Variants in CTIF observed in about 807,000 individuals in gnomAD.
CTIF encodes the protein cap binding complex dependent translation initiation factor.
CTIF carries 21 observed loss-of-function variants against 66.0 expected under a neutral mutation model. The observed-to-expected ratio is 0.32, with a 90% confidence interval of 0.23 to 0.46. CTIF has a LOEUF of 0.46. CTIF is among the 20% of genes least tolerant of loss of function. The probability of loss-of-function intolerance (pLI) is 1.00; values close to 1 mark genes in which losing one functional copy is unlikely to be tolerated. For synonymous variants in CTIF, 345 were observed against 326.4 expected (o/e 1.06, Z -0.62); for missense variants, 739 against 812.7 (o/e 0.91, Z 1.10).
intron 6 of CTIF, among the ~76,000 whole-genome samples, chr18:48,674,033 A>AGGG (rs954283696): frequency 2.0e-5 from 3 of 152,222 alleles, no homozygotes; most frequent in African/African-American, 7.2e-5. Flanking sequence ...AGCGGGAAGA[A>AGGG]GGGGAGCACA....
intron 7 of CTIF, among the ~76,000 whole-genome samples, chr18:48,747,410 G>GGT (rs1305842287): frequency 6.6e-6 from 1 of 152,206 alleles, no homozygotes; most frequent in East Asian, 1.9e-4. Flanking sequence ...GAAGTAGAGA[G>GGT]GTACGCTGGG....
chr18:48,835,203 G>A (rs1452781218), intron 10 of CTIF, among the ~76,000 whole-genome samples: 2 of 152,296 alleles, frequency 1.3e-5, no homozygotes, highest in African/African-American at 4.8e-5. Flanking sequence ...CCAGTGTCAG[G>A]CACACGGCAG....
chr18:48,675,543 C>T (rs2091614098), intron 6 of CTIF, among the ~76,000 whole-genome samples: 1 of 152,210 alleles, frequency 6.6e-6, no homozygotes, highest in Admixed American at 6.5e-5. Context: ...GCTGCACATG[C>T]ACACTGTCCT....
chr18:48,569,075 C>G (rs1178573674), intron 1 of CTIF, among the ~76,000 whole-genome samples: 3 of 152,174 alleles, frequency 2.0e-5, no homozygotes, highest in African/African-American at 7.2e-5. Context: ...CCAGCCTCCT[C>G]CTCTCATAAG....
chr18:48,692,298 C>CA (rs72042735), intron 6 of CTIF, among the ~76,000 whole-genome samples: 1 of 139,182 alleles, frequency 7.2e-6, no homozygotes, highest in African/African-American at 2.6e-5. Context: ...TCATGGGCCA[C>CA]AAAAAAACAA....
At chr18:48,804,528 C>G (rs1005495698) in intron 9 of CTIF, among the ~76,000 whole-genome samples, 6 of 152,152 alleles carry the variant, frequency 3.9e-5, no homozygotes, top group African/African-American at 1.2e-4. Context: ...TGCCAGGGGT[C>G]GGGGGCGGCC....
At chr18:48,596,580 C>T (rs1599212039) in intron 1 of CTIF, among the ~76,000 whole-genome samples, 1 of 151,684 alleles carries the variant, frequency 6.6e-6, no homozygotes, top group Non-Finnish European at 1.5e-5. Context: ...CGGGTTCAAA[C>T]GATTCTCCTG....
chr18:48,696,529 C>T (rs2092011692), intron 6 of CTIF, among the ~76,000 whole-genome samples: 1 of 152,216 alleles, frequency 6.6e-6, no homozygotes, highest in Non-Finnish European at 1.5e-5. Context: ...CTTAGTCTGT[C>T]TGGCTTGAGC....
chr18:48,590,870 G>T (rs2089872685), intron 1 of CTIF, among the ~76,000 whole-genome samples: 1 of 151,756 alleles, frequency 6.6e-6, no homozygotes, highest in Admixed American at 6.6e-5. Context: ...ACCCCATAGT[G>T]TGAATATCAG....
At chr18:48,716,113 A>C (rs1256405715) in intron 7 of CTIF, among the ~76,000 whole-genome samples, 1 of 144,944 alleles carries the variant, frequency 6.9e-6, no homozygotes, top group African/African-American at 2.4e-5. Context: ...AATGTGTATC[A>C]CAGCAGACAC....
At chr18:48,661,358 G>T (rs1386812861) in intron 3 of CTIF, among the ~76,000 whole-genome samples, 1 of 152,022 alleles carries the variant, frequency 6.6e-6, no homozygotes, top group East Asian at 1.9e-4. Flanking sequence ...GTCTGCAATA[G>T]ATGCTTTGGA....
chr18:48,684,871 A>G lies in CTIF; in HGVS notation c.507+14127A>G, dbSNP rs149432882. Among the ~76,000 whole-genome samples, 593 of 152,386 alleles carry G rather than the reference A, an allele frequency of 3.9e-3. 6 individuals carry two copies. Among genetic ancestry groups the G allele is most frequent in the African/African-American group, 0.013 (534 of 41,598 alleles). On this transcript the variant is annotated intron_variant, in intron 6 of 11. Coordinates refer to ENST00000256413, the MANE Select transcript of CTIF (RefSeq NM_014772.3). ...TACTTCAGCATGTTTTCCTAAAAGC[A>G]TGGACATTCTTTTCCATAAATGCAA...
chr18:48,747,661 C>T (rs1397504458), intron 7 of CTIF, among the ~76,000 whole-genome samples: 1 of 151,790 alleles, frequency 6.6e-6, no homozygotes, highest in Admixed American at 6.6e-5. Context: ...AATCCCAGCG[C>T]TCTGAGAGGC....
At chr18:48,656,246 T>C (rs916366381) in intron 3 of CTIF, among the ~76,000 whole-genome samples, 105 of 152,364 alleles carry the variant, frequency 6.9e-4, no homozygotes, top group African/African-American at 2.4e-3. Context: ...CTTGACTGAA[T>C]AGAATAACTG....
intron 1 of CTIF, among the ~76,000 whole-genome samples, chr18:48,580,693 G>A (rs1227525376): frequency 1.3e-5 from 2 of 152,198 alleles, no homozygotes; most frequent in African/African-American, 2.4e-5. Flanking sequence ...TTACCGGACC[G>A]TCGTCTTTCT....
At chr18:48,730,971 C>T (rs2092452503) in intron 7 of CTIF, among the ~76,000 whole-genome samples, 1 of 152,086 alleles carries the variant, frequency 6.6e-6, no homozygotes, top group South Asian at 2.1e-4. Flanking sequence ...TCTCCCAGCC[C>T]AGAGAGGCAG....
intron 1 of CTIF, among the ~76,000 whole-genome samples, chr18:48,576,937 G>A (rs892688388): frequency 2.6e-5 from 4 of 152,218 alleles, no homozygotes; most frequent in Non-Finnish European, 4.4e-5. Context: ...AGCTGCTTAT[G>A]TGGAATATGT....
At chr18:48,704,098 G>A (rs543615857) in intron 6 of CTIF, among the ~76,000 whole-genome samples, 1 of 152,276 alleles carries the variant, frequency 6.6e-6, no homozygotes. Flanking sequence ...TGGGGAGCAT[G>A]GCGGAGCACC....
Position 48,698,349 on chromosome 18 carries a change from G to A in CTIF, c.508-13270G>A, listed in dbSNP as rs568198736. 2.0e-5 allele frequency among the ~76,000 whole-genome samples: 3 copies of A among 152,068 alleles called. No homozygotes were observed. The South Asian group carries it at 6.2e-4, about 32-fold the overall frequency. On this transcript the variant is annotated intron_variant, in intron 6 of 11. Transcript: ENST00000256413. ...TAGGAGGGCCCAGCAGCTGGCATGG[G>A]ACTCGCTTCCATCCTGGGGAGGCAA...
Sources: allele counts gnomAD v4.1 joint callset (sites outside exome capture counted in the v4.1 genomes callset), GRCh38; gene constraint gnomAD v4.1.1; transcripts MANE v1.5; gene names NCBI Gene and HGNC (gene_info 2026-07-23, HGNC 2026-07-21).